Variants in SNX29 observed in about 807,000 individuals in gnomAD.
The protein encoded by SNX29 is sorting nexin 29, also known as sorting nexin-29.
A neutral mutation model predicts 102.1 loss-of-function variants in SNX29; 78 were observed. The ratio of observed to expected loss-of-function variants is 0.76; its 90% CI spans 0.64 to 0.92. The LOEUF (loss-of-function observed/expected upper bound fraction) is 0.92, where lower values mean the gene tolerates loss of function less well. Among genes scored for constraint, SNX29 ranks in the 40% least tolerant of loss-of-function variants. The probability of loss-of-function intolerance (pLI) is 0.00; values close to 1 mark genes in which losing one functional copy is unlikely to be tolerated. For missense variants in SNX29, 1,280 were observed against 1,061.7 expected, an observed-to-expected ratio of 1.21 and a Z score of -2.86; for synonymous variants, 580 against 414.5, an observed-to-expected ratio of 1.40 and a Z score of -4.85.
At position 12,326,074 on chromosome 16, in the gene SNX29, G is replaced by A. The variant is rs148416041; in HGVS notation, c.1783-30089G>A. On this transcript the variant is annotated intron_variant, in intron 15 of 20. Coordinates refer to ENST00000566228, the MANE Select transcript of SNX29 (RefSeq NM_032167.5). ...GGAGCCTCACTCTGGTGCCCAGGCT[G>A]GAGTGCAGTGGTGCGATCTTGGCTC... Among the ~76,000 whole-genome samples, 858 of 151,974 alleles carry A rather than the reference G, an allele frequency of 5.6e-3. 7 individuals are homozygous for A. Among genetic ancestry groups the A allele is most frequent in the Non-Finnish European group, 7.5e-3 (511 of 67,966 alleles).
At chr16:12,147,447 T>C (rs1292990914) in intron 13 of SNX29, among the ~76,000 whole-genome samples, 2 of 152,236 alleles carry the variant, frequency 1.3e-5, no homozygotes, top group Non-Finnish European at 2.9e-5. Context: ...TAATGCTTCA[T>C]TTCTTGTCTT....
chr16:12,425,609 G>C (rs1318928270), intron 18 of SNX29, among the ~76,000 whole-genome samples: 1 of 150,476 alleles, frequency 6.6e-6, no homozygotes, highest in Non-Finnish European at 1.5e-5. Flanking sequence ...GAGGCAGATA[G>C]AGACAAGGGG....
intron 14 of SNX29, among the ~76,000 whole-genome samples, chr16:12,211,065 A>T (rs2077171281): frequency 6.6e-6 from 1 of 152,062 alleles, no homozygotes; most frequent in Non-Finnish European, 1.5e-5. Flanking sequence ...CTCACTTTTT[A>T]CACAGACTCC....
chr16:12,463,065 C>G (rs1161971434), intron 18 of SNX29, among the ~76,000 whole-genome samples: 1 of 152,232 alleles, frequency 6.6e-6, no homozygotes, highest in African/African-American at 2.4e-5. Context: ...TTGTGATTTT[C>G]TCTGTGGCCC....
chr16:12,312,463 G>A (rs935657264), intron 15 of SNX29, among the ~76,000 whole-genome samples: 2 of 152,182 alleles, frequency 1.3e-5, no homozygotes, highest in Non-Finnish European at 2.9e-5. Context: ...CTGTTCGTCT[G>A]CAGGAAGAGC....
rs149065024 is a variant in SNX29 at position 12,559,536 on chromosome 16, C to T, written c.2319-8970C>T. Among the ~76,000 whole-genome samples the T allele has an allele frequency of 6.2e-4, 94 of 152,036 alleles. 1 individual carries two copies. The highest frequency in any genetic ancestry group is 2.1e-3 in the African/African-American group (89 of 41,440). On this transcript the variant is annotated intron_variant, in intron 20 of 20. Coordinates refer to ENST00000566228, the MANE Select transcript of SNX29 (RefSeq NM_032167.5). ...ACACTTTGTATCTCAAAAGCATCCC[C>T]ACCCCCTACATCTGTGGAAAATTTT...
At chr16:12,495,286 G>A (rs2088765355) in intron 19 of SNX29, among the ~76,000 whole-genome samples, 1 of 152,072 alleles carries the variant, frequency 6.6e-6, no homozygotes. Flanking sequence ...CAAGTAGTTG[G>A]GATTACAGAC....
At chr16:12,319,161 G>A (rs1243605359) in intron 15 of SNX29, among the ~76,000 whole-genome samples, 1 of 152,166 alleles carries the variant, frequency 6.6e-6, no homozygotes, top group Non-Finnish European at 1.5e-5. Flanking sequence ...TTGTATAAGG[G>A]CAGTAGCTCT....
At chr16:12,472,739 G>A (rs1322539424) in intron 18 of SNX29, among the ~76,000 whole-genome samples, 1 of 151,794 alleles carries the variant, frequency 6.6e-6, no homozygotes, top group Non-Finnish European at 1.5e-5. Context: ...GTTCATTGAC[G>A]GACTGAGGTT....
intron 15 of SNX29, among the ~76,000 whole-genome samples, chr16:12,287,976 G>A (rs931248858): frequency 2.6e-5 from 4 of 152,182 alleles, no homozygotes; most frequent in Non-Finnish European, 4.4e-5. Flanking sequence ...AGCAGCTATA[G>A]ATATTGATGT....
intron 13 of SNX29, among the ~76,000 whole-genome samples, chr16:12,150,988 TC>T (rs1304937629): frequency 6.6e-6 from 1 of 152,208 alleles, no homozygotes; most frequent in Non-Finnish European, 1.5e-5. Flanking sequence ...AAGATACCTT[TC>T]CCCTGTCTGC....
intron 13 of SNX29, among the ~76,000 whole-genome samples, chr16:12,145,731 C>T (rs1456911881): frequency 6.6e-6 from 1 of 152,170 alleles, no homozygotes; most frequent in Non-Finnish European, 1.5e-5. Flanking sequence ...TACAATAATA[C>T]AGTAAACAAC....
rs114914408 is a variant in SNX29 at position 12,397,716 on chromosome 16, G to A, written c.1900-730G>A. Among the ~76,000 whole-genome samples the A allele has an allele frequency of 1.9e-3, 288 of 152,278 alleles. 1 individual carries two copies. In the Middle Eastern group the frequency reaches 0.027, roughly 14 times the overall value. On this transcript the variant is annotated intron_variant, in intron 16 of 20. Coordinates refer to ENST00000566228, the MANE Select transcript of SNX29 (RefSeq NM_032167.5). ...ACCACTACTGGGCATTTTGTTGTCT[G>A]CTTTACATAATAATTGCAATACTTG...
In SNX29 at chr16:12,461,979, ATATAT is replaced by A. The variant is rs1437436279; in HGVS notation, c.2038-15739_2038-15735del. Among the ~76,000 whole-genome samples, 154 of 27,728 alleles carry A rather than the reference ATATAT, an allele frequency of 5.6e-3. 4 individuals are homozygous for A. The highest frequency in any genetic ancestry group is 0.027 in the African/African-American group (149 of 5,428). The allele number at this position is 27,728 out of a possible 152,430, so 18.2% of individuals were successfully genotyped here. A position where few individuals can be genotyped will look rare whatever the true frequency, so the allele number is the denominator to read the frequency against. On this transcript the variant is annotated intron_variant, in intron 18 of 20. Coordinates refer to ENST00000566228, the MANE Select transcript of SNX29 (RefSeq NM_032167.5). ...TCAAAAAAAAAAAAAAAAAAAAAAA[ATATAT>A]ATATATATATATATATATATATATA...
At chr16:12,547,104 GAA>G (rs955240266) in intron 20 of SNX29, among the ~76,000 whole-genome samples, 16 of 152,332 alleles carry the variant, frequency 1.1e-4, no homozygotes, top group Non-Finnish European at 1.5e-4. Context: ...GATTTCCAGT[GAA>G]AAGACAGGAA....
At chr16:12,130,702 G>T (rs2054427259) in intron 13 of SNX29, among the ~76,000 whole-genome samples, 1 of 151,994 alleles carries the variant, frequency 6.6e-6, no homozygotes, top group South Asian at 2.1e-4. Context: ...AGATAGGTGT[G>T]CATATACTTT....
intron 13 of SNX29, among the ~76,000 whole-genome samples, chr16:12,164,869 G>A (rs1019127360): frequency 4.6e-5 from 7 of 151,904 alleles, no homozygotes; most frequent in East Asian, 3.9e-4. Flanking sequence ...TGTATTTTTA[G>A]TAGAGACAGG....
chr16:12,171,247 G>T (rs1249157559), intron 13 of SNX29, among the ~76,000 whole-genome samples: 1 of 152,054 alleles, frequency 6.6e-6, no homozygotes, highest in Non-Finnish European at 1.5e-5. Flanking sequence ...TTCACGTGAT[G>T]ACTAAGAGCG....
chr16:12,544,400 C>G (rs1049722298), intron 20 of SNX29, among the ~76,000 whole-genome samples: 4 of 152,174 alleles, frequency 2.6e-5, no homozygotes, highest in African/African-American at 7.2e-5. Context: ...GGTGGTTCTG[C>G]TAAAACATTA....
Sources: allele counts gnomAD v4.1 joint callset (sites outside exome capture counted in the v4.1 genomes callset), GRCh38; gene constraint gnomAD v4.1.1; transcripts MANE v1.5; gene names NCBI Gene and HGNC (gene_info 2026-07-23, HGNC 2026-07-21).